Variants in EPM2A observed in about 807,000 individuals in gnomAD.
EPM2A encodes the protein laforin.
Under a neutral mutation model 26.5 loss-of-function variants are expected in EPM2A, and 21 were observed. That is an observed-to-expected ratio of 0.79 (90% CI 0.56 to 1.14). EPM2A has a LOEUF of 1.14. Ranked by LOEUF, EPM2A falls within the 50% of genes most tolerant of loss-of-function variation. EPM2A has a pLI of 0.00. For missense variants in EPM2A, 458 were observed against 440.8 expected, an observed-to-expected ratio of 1.04 and a Z score of -0.35; for synonymous variants, 217 against 177.6, an observed-to-expected ratio of 1.22 and a Z score of -1.76.
exon 5 of EPM2A, chr6:145,383,493 A>G (rs917134126): frequency 2.0e-5 from 3 of 152,270 alleles, no homozygotes; most frequent in African/African-American, 7.2e-5. Flanking sequence ...TACATCTTAC[A>G]TGACCAGAGA....
intron 2 of EPM2A, among the ~76,000 whole-genome samples, chr6:145,655,029 G>T (rs747972854): frequency 2.0e-5 from 3 of 152,064 alleles, no homozygotes; most frequent in Non-Finnish European, 4.4e-5. Context: ...CCCCAAAAAT[G>T]CACGCATCGT....
chr6:145,571,030 C>T (rs1248892122), intron 2 of EPM2A, among the ~76,000 whole-genome samples: 2 of 152,136 alleles, frequency 1.3e-5, no homozygotes, highest in Admixed American at 1.3e-4. Flanking sequence ...AGCATTCCTC[C>T]CTCTGGAACT....
exon 5 of EPM2A, chr6:145,383,376 A>C (rs902220228): frequency 2.0e-5 from 3 of 152,160 alleles, no homozygotes; most frequent in African/African-American, 7.2e-5. Context: ...AAAAAGTTTT[A>C]ATTGTTTCAC....
At position 145,631,303 on chromosome 6, in the gene EPM2A, A is replaced by G. The variant is rs568063957; in HGVS notation, c.719-3610T>C. On this transcript the variant is annotated intron_variant, in intron 3 of 3. Transcript: ENST00000367519. ...CAGAGCAGCTATAGATAGGCTCCAC[A>G]TAGAATTTAATTTGATAAGACATTT... 14 of 152,302 alleles carry G rather than the reference A, an allele frequency of 9.2e-5. No homozygotes were observed. In the East Asian group the frequency reaches 2.3e-3, roughly 25 times the overall value. 9.4% of individuals were successfully genotyped at this position (152,302 alleles called of 1,614,324 possible). A position where few individuals can be genotyped will look rare whatever the true frequency, so the allele number is the denominator to read the frequency against.
intron 2 of EPM2A, among the ~76,000 whole-genome samples, chr6:145,514,732 A>G (rs1306856420): frequency 6.6e-6 from 1 of 152,176 alleles, no homozygotes; most frequent in Non-Finnish European, 1.5e-5. Flanking sequence ...TAAAGACCAG[A>G]GATGCTGTTA....
At chr6:145,408,414 C>G (rs1778599004) in intron 4 of EPM2A, among the ~76,000 whole-genome samples, 2 of 152,182 alleles carry the variant, frequency 1.3e-5, no homozygotes, top group African/African-American at 4.8e-5. Context: ...TCTGGCCCCT[C>G]TACGCTAGGT....
At chr6:145,414,849 A>G (rs1215406776) in intron 4 of EPM2A, among the ~76,000 whole-genome samples, 2 of 152,188 alleles carry the variant, frequency 1.3e-5, no homozygotes, top group African/African-American at 2.4e-5. Flanking sequence ...AGCTGCTGTC[A>G]TAGCTCATTT....
chr6:145,573,094 A>G (rs1176115570), intron 2 of EPM2A, among the ~76,000 whole-genome samples: 2 of 152,148 alleles, frequency 1.3e-5, no homozygotes, highest in African/African-American at 4.8e-5. Flanking sequence ...TGGCATGCAA[A>G]TGTCTCACCA....
chr6:145,710,091 G>A (rs1315885561), intron 1 of EPM2A, among the ~76,000 whole-genome samples: 1 of 151,946 alleles, frequency 6.6e-6, no homozygotes, highest in African/African-American at 2.4e-5. Flanking sequence ...CAAAAGCAAT[G>A]GCAACAAAAG....
intron 2 of EPM2A, among the ~76,000 whole-genome samples, chr6:145,522,116 C>G (rs1326041408): frequency 6.6e-6 from 1 of 152,098 alleles, no homozygotes; most frequent in African/African-American, 2.4e-5. Flanking sequence ...CCACGCCCAG[C>G]CATTTTTTTG....
intron 1 of EPM2A, among the ~76,000 whole-genome samples, chr6:145,691,489 A>T (rs2128618952): frequency 6.6e-6 from 1 of 152,270 alleles, no homozygotes; most frequent in African/African-American, 2.4e-5. Context: ...CTAACAGAAG[A>T]TGTCTAAACA....
At chr6:145,502,544 C>T (rs563025698) in exon 3 of EPM2A, 47 of 470,666 alleles carry the variant, frequency 1.0e-4, no homozygotes, top group African/African-American at 7.2e-4. Context: ...CCCACATCCC[C>T]GAGCAGCACA....
chr6:145,604,598 C>A (rs1371924444), intron 2 of EPM2A, among the ~76,000 whole-genome samples: 2 of 151,996 alleles, frequency 1.3e-5, no homozygotes, highest in African/African-American at 4.8e-5. Context: ...AAAGCTTTCT[C>A]CCATTTAGTT....
At chr6:145,647,670 A>C (rs1003779190) in intron 2 of EPM2A, among the ~76,000 whole-genome samples, 2 of 152,070 alleles carry the variant, frequency 1.3e-5, no homozygotes, top group Non-Finnish European at 2.9e-5. Context: ...ATACAAAGGA[A>C]GGAAGGCAGG....
At chr6:145,586,069 T>G (rs549372546) in intron 2 of EPM2A, among the ~76,000 whole-genome samples, 1 of 152,262 alleles carries the variant, frequency 6.6e-6, no homozygotes, top group African/African-American at 2.4e-5. Flanking sequence ...GCCCTCAGCT[T>G]CAGCTTCATC....
chr6:145,721,893 T>C (rs2128639183), intron 1 of EPM2A, among the ~76,000 whole-genome samples: 1 of 152,358 alleles, frequency 6.6e-6, no homozygotes, highest in South Asian at 2.1e-4. Flanking sequence ...TTGTAGCTGC[T>C]TTACTACCTT....
chr6:145,393,697 G>A (rs1041466128), intron 4 of EPM2A, among the ~76,000 whole-genome samples: 1 of 152,036 alleles, frequency 6.6e-6, no homozygotes, highest in African/African-American at 2.4e-5. Flanking sequence ...AAGCTGCCAG[G>A]GTTTTTGGTG....
At chr6:145,490,682 C>A in intron 4 of EPM2A, 1 of 601,488 alleles carries the variant, frequency 1.7e-6, no homozygotes, top group South Asian at 1.5e-5. Flanking sequence ...TTCATGCGTT[C>A]CTTCAAATGA....
chr6:145,559,174 G>A (rs894445899), intron 2 of EPM2A, among the ~76,000 whole-genome samples: 5 of 152,064 alleles, frequency 3.3e-5, no homozygotes, highest in African/African-American at 9.7e-5. Flanking sequence ...GGGTGATTTA[G>A]TTTATCTCAT....
Sources: gnomAD v4.1 joint callset for allele counts (sites outside exome capture counted in the v4.1 genomes callset) on GRCh38, gnomAD v4.1.1 for gene constraint, MANE v1.5 for transcripts, NCBI Gene and HGNC (gene_info 2026-07-23, HGNC 2026-07-21) for gene names.